Variants in MBP observed in about 807,000 individuals in gnomAD.
MBP encodes myelin basic protein.
A neutral mutation model predicts 35.8 loss-of-function variants in MBP; 16 were observed. The ratio of observed to expected loss-of-function variants is 0.45; its 90% CI spans 0.30 to 0.68. MBP has a LOEUF of 0.68. MBP is among the 30% of genes least tolerant of loss of function. The probability of loss-of-function intolerance (pLI) is 0.08; values close to 1 mark genes in which losing one functional copy is unlikely to be tolerated. For missense variants in MBP, 380 were observed against 404.7 expected (o/e 0.94, Z 0.52); for synonymous variants, 143 against 159.6 (o/e 0.90, Z 0.78).
chr18:77,070,709 G>A (rs933619426), intron 2 of MBP, among the ~76,000 whole-genome samples: 1 of 152,138 alleles, frequency 6.6e-6, no homozygotes, highest in African/African-American at 2.4e-5. Context: ...GGGCTCTGGG[G>A]CAGGTGACAG....
intron 2 of MBP, among the ~76,000 whole-genome samples, chr18:77,096,947 C>G (rs551666803): frequency 6.6e-6 from 1 of 152,310 alleles, no homozygotes; most frequent in East Asian, 1.9e-4. Flanking sequence ...TGAACTGAGA[C>G]AGTGTTCAAA....
chr18:77,118,573 C>A (rs1976772814), intron 1 of MBP, among the ~76,000 whole-genome samples: 1 of 151,188 alleles, frequency 6.6e-6, no homozygotes, highest in Non-Finnish European at 1.5e-5. Flanking sequence ...TTCCAACACA[C>A]AGGCCACCCG....
In MBP at chr18:77,017,208, G is replaced by A. The variant is rs776127568; in HGVS notation, c.200C>T (p.Ser67Phe). ...ATTCTTCGGGTCCGCTGTGCGCTTG[G>A]AGTCAGTCACCGCTGTGTCCTGAGA... ...TSSQDTAVTD[S>F]KRTADPKNAW... Residue 67 changes from serine to phenylalanine, a missense_variant, in exon 4 of 9, where the codon TCC becomes TTC. By Grantham distance (155) the Ser-to-Phe change is radical. Coordinates refer to ENST00000355994, the MANE Select transcript of MBP (RefSeq NM_001025101.2). The A allele has an allele frequency of 1.3e-6, 2 of 1,529,256 alleles. No individual in the cohort carries two copies. The highest frequency in any genetic ancestry group is 1.8e-6 in the Non-Finnish European group (2 of 1,139,106). 94.7% of individuals were successfully genotyped at this position (1,529,256 alleles called of 1,614,324 possible). A position where few individuals can be genotyped will look rare whatever the true frequency, so the allele number is the denominator to read the frequency against.
rs376564819 is a variant in MBP, at chr18:76,994,308, T to C, written c.577-4248A>G. On this transcript the variant is annotated intron_variant, in intron 4 of 8. Transcript: ENST00000355994. The stretch of plus-strand genomic sequence containing the variant: ...CTCCATTTCTCTACATGCTGAACTT[T>C]GGTTTTTGAGTCACATAAACATTTC... Among the ~76,000 whole-genome samples the C allele has an allele frequency of 4.1e-4, 63 of 152,360 alleles. 1 individual carries two copies. Among genetic ancestry groups the C allele is most frequent in the Middle Eastern group, 3.4e-3 (1 of 294 alleles).
intron 3 of MBP, among the ~76,000 whole-genome samples, chr18:77,037,411 T>C (rs1972823199): frequency 6.6e-6 from 1 of 152,176 alleles, no homozygotes; most frequent in Admixed American, 6.5e-5. Flanking sequence ...TCCAGTGAGG[T>C]CGGGAGTATG....
At chr18:77,038,508 T>C (rs1382133081) in intron 3 of MBP, among the ~76,000 whole-genome samples, 1 of 152,204 alleles carries the variant, frequency 6.6e-6, no homozygotes, top group Non-Finnish European at 1.5e-5. Context: ...TCATATTTGG[T>C]GTTTCTTTGC....
chr18:76,994,011 C>T (rs1181378214), intron 4 of MBP, among the ~76,000 whole-genome samples: 5 of 152,216 alleles, frequency 3.3e-5, no homozygotes, highest in Admixed American at 1.3e-4. Context: ...AATATTTTAT[C>T]GAATGCTTCT....
At chr18:77,126,600 A>G (rs1304729886) in intron 1 of MBP, among the ~76,000 whole-genome samples, 2 of 152,232 alleles carry the variant, frequency 1.3e-5, no homozygotes, top group Admixed American at 6.5e-5. Context: ...AAACTATCCA[A>G]TTTGCAGATA....
chr18:77,010,002 TCTC>T (rs1241483424), intron 4 of MBP: 8 of 1,031,636 alleles, frequency 7.8e-6, no homozygotes, highest in Non-Finnish European at 1.0e-5. Context: ...CTCCAGCAAA[TCTC>T]CTCTAGAGCT....
intron 2 of MBP, among the ~76,000 whole-genome samples, chr18:77,070,222 C>A (rs913982814): frequency 2.6e-5 from 4 of 152,182 alleles, no homozygotes; most frequent in Non-Finnish European, 5.9e-5. Flanking sequence ...CAGCTCAGGC[C>A]CTCCCTGCGT....
chr18:77,084,953 GA>G, intron 2 of MBP, among the ~76,000 whole-genome samples: 1 of 30,098 alleles, frequency 3.3e-5, no homozygotes, highest in Admixed American at 4.8e-4. Flanking sequence ...TAAGAAGGGG[GA>G]GGGGGGAGAG....
intron 7 of MBP, chr18:76,987,730 A>G (rs1969637899): frequency 1.0e-6 from 1 of 995,650 alleles, no homozygotes; most frequent in Non-Finnish European, 1.2e-6. Context: ...ATTTTATTCT[A>G]AAATTATAAC....
intron 2 of MBP, among the ~76,000 whole-genome samples, chr18:77,088,019 G>A (rs1975333526): frequency 1.3e-5 from 2 of 152,110 alleles, no homozygotes; most frequent in Admixed American, 1.3e-4. Flanking sequence ...GCAAGGAACG[G>A]CCTTGGCGAG....
rs1491478565 is a variant in MBP, at chr18:77,081,794, G to GTA, written c.52-15411_52-15410dup. Among the ~76,000 whole-genome samples, 55 of 49,040 alleles carry GTA rather than the reference G, an allele frequency of 1.1e-3. 1 individual carries two copies. Among genetic ancestry groups the GTA allele is most frequent in the East Asian group, 9.9e-3 (15 of 1,514 alleles). The allele number at this position is 49,040 out of a possible 152,430, so 32.2% of individuals were successfully genotyped here. A position where few individuals can be genotyped will look rare whatever the true frequency, so the allele number is the denominator to read the frequency against. On this transcript the variant is annotated intron_variant, in intron 2 of 8. Coordinates refer to ENST00000355994, the MANE Select transcript of MBP (RefSeq NM_001025101.2). The stretch of plus-strand genomic sequence containing the variant: ...CACACACACACACACACACACACAC[G>GTA]TATATATATATGCACACACATATAT...
intron 7 of MBP, 95 bp from the exon 8 acceptor site, chr18:76,984,989 C>T: frequency 3.2e-6 from 5 of 1,568,330 alleles, no homozygotes; most frequent in Non-Finnish European, 4.3e-6. Flanking sequence ...CGGGGAAGGG[C>T]CCAGGCCCCG....
In MBP at chr18:77,057,969, G is replaced by GGCGCCCGCCACT. The variant is rs1419086891; in HGVS notation, c.139+8317_139+8328dup. On this transcript the variant is annotated intron_variant, in intron 3 of 8. Transcript: ENST00000355994. Reference sequence around the variant, plus strand: ...AGCCTCCCGAGTAGCTGGGACTACAGGCGCCCGCCACTACGCCCGGCTAAT... The same window carrying GGCGCCCGCCACT: ...AGCCTCCCGAGTAGCTGGGACTACAGGCGCCCGCCACTGCGCCCGCCACTACGCCCGGCTAAT... 9.4e-5 allele frequency among the ~76,000 whole-genome samples: 6 copies of GGCGCCCGCCACT among 63,506 alleles called. 2 individuals carry two copies. Among genetic ancestry groups the GGCGCCCGCCACT allele is most frequent in the Non-Finnish European group, 1.7e-4 (6 of 36,290 alleles). The allele number at this position is 63,506 out of a possible 152,430, so 41.7% of individuals were successfully genotyped here.
At chr18:77,128,873 C>G (rs1390348815) in intron 1 of MBP, among the ~76,000 whole-genome samples, 1 of 152,178 alleles carries the variant, frequency 6.6e-6, no homozygotes, top group Non-Finnish European at 1.5e-5. Flanking sequence ...TATTCTCTAA[C>G]ATCTTTGTTC....
intron 3 of MBP, among the ~76,000 whole-genome samples, chr18:77,029,118 A>G (rs1342277191): frequency 9.4e-6 from 1 of 106,910 alleles, no homozygotes; most frequent in African/African-American, 2.7e-5. Context: ...CAGCCTGGGC[A>G]CCATTGAGCA....
intron 1 of MBP, among the ~76,000 whole-genome samples, chr18:77,120,462 C>T (rs376584777): frequency 6.6e-6 from 1 of 152,122 alleles, no homozygotes; most frequent in Non-Finnish European, 1.5e-5. Context: ...TTTCAGGAAG[C>T]CCCCCAGGCG....
Sources: allele counts gnomAD v4.1 joint callset (sites outside exome capture counted in the v4.1 genomes callset), GRCh38; gene constraint gnomAD v4.1.1; transcripts MANE v1.5; gene names NCBI Gene and HGNC (gene_info 2026-07-23, HGNC 2026-07-21).